Variants in SEL1L3 observed in about 807,000 individuals in gnomAD.
The protein encoded by SEL1L3 is protein sel-1 homolog 3.
In SEL1L3, 76 loss-of-function variants were observed where a neutral mutation model predicts 142.8. The observed-to-expected ratio is 0.53, with a 90% CI of 0.44 to 0.64. The LOEUF is 0.64. SEL1L3 is among the 30% of genes least tolerant of loss of function. The pLI is 0.00. For synonymous variants in SEL1L3, 504 were observed against 519.6 expected, an observed-to-expected ratio of 0.97 and a Z score of 0.41; for missense variants, 1,262 against 1,381.7, an observed-to-expected ratio of 0.91 and a Z score of 1.37.
chr4:25,754,139 C>T (rs1717792239), intron 23 of SEL1L3, among the ~76,000 whole-genome samples: 1 of 151,114 alleles, frequency 6.6e-6, no homozygotes, highest in South Asian at 2.1e-4. Flanking sequence ...CCTGTCTCTA[C>T]TAAAAACACA....
At chr4:25,810,927 C>T (rs562698093) in intron 9 of SEL1L3, among the ~76,000 whole-genome samples, 4 of 152,328 alleles carry the variant, frequency 2.6e-5, no homozygotes, top group Non-Finnish European at 4.4e-5. Flanking sequence ...AGGCGAGGAA[C>T]GGGTCCTGTT....
intron 6 of SEL1L3, among the ~76,000 whole-genome samples, chr4:25,829,683 A>G (rs1259398529): frequency 6.6e-6 from 1 of 152,260 alleles, no homozygotes. Flanking sequence ...TCAAATCCAG[A>G]TTATAAACAT....
rs143722601 is a variant in SEL1L3, at chr4:25,788,819, A to G, written c.2077-455T>C. On this transcript the variant is annotated intron_variant, in intron 12 of 23. Transcript: ENST00000399878. This position sits in a 1 kb window ranked among gnomAD's most constrained non-coding sequence, Gnocchi z 5.3. ...TCATTTGTCTACATGGCTGGCTCCA[A>G]CATCAGACTGGAGGCTGGAAGCTCT... Among the ~76,000 whole-genome samples the G allele has an allele frequency of 1.3e-5, 2 of 152,268 alleles. No individual in the cohort carries two copies. Among genetic ancestry groups the G allele is most frequent in the Non-Finnish European group, 2.9e-5 (2 of 68,028 alleles).
chr4:25,745,472 T>C (rs142104903), downstream of SEL1L3, among the ~76,000 whole-genome samples: 166 of 151,928 alleles, frequency 1.1e-3, 2 homozygotes, highest in African/African-American at 3.7e-3. Context: ...GCAACCAACG[T>C]AGAGTTTTGG....
intron 10 of SEL1L3, among the ~76,000 whole-genome samples, chr4:25,803,063 C>CCTGTTCTG (rs901337317): frequency 6.6e-6 from 1 of 152,164 alleles, no homozygotes; most frequent in Non-Finnish European, 1.5e-5. Context: ...TCCTAAGTCC[C>CCTGTTCTG]CTGTTCTGTT....
chr4:25,810,882 C>T (rs955655353), intron 9 of SEL1L3, among the ~76,000 whole-genome samples: 3 of 152,216 alleles, frequency 2.0e-5, no homozygotes, highest in South Asian at 2.1e-4. Context: ...CGAGTAGCCC[C>T]GCCATGTTTA....
chr4:25,811,903 C>T lies in SEL1L3; in HGVS notation c.1564+6235G>A, dbSNP rs543947575. On this transcript the variant is annotated intron_variant, in intron 9 of 23. Coordinates refer to ENST00000399878, the MANE Select transcript of SEL1L3 (RefSeq NM_015187.5). Reference sequence around the variant, plus strand: ...CTTTTATAAAGTGACATAATGTCTACGACAGAACTTAGTGAATAGAAAGAT... The same window carrying T: ...CTTTTATAAAGTGACATAATGTCTATGACAGAACTTAGTGAATAGAAAGAT... 5.9e-5 allele frequency among the ~76,000 whole-genome samples: 9 copies of T among 152,180 alleles called. No homozygotes were observed. In the East Asian group the frequency reaches 9.6e-4, roughly 16 times the overall value.
At chr4:25,808,517 G>T (rs1267062692) in intron 9 of SEL1L3, among the ~76,000 whole-genome samples, 2 of 152,246 alleles carry the variant, frequency 1.3e-5, no homozygotes, top group Admixed American at 6.5e-5. Context: ...GAGCAGAAAG[G>T]CACCTCATTC....
the SEL1L3 span, among the ~76,000 whole-genome samples, chr4:25,741,804 TTATTA>T: frequency 1.6e-4 from 24 of 150,798 alleles, no homozygotes; most frequent in Non-Finnish European, 2.5e-4. Context: ...TTTCTTTGAT[TTATTA>T]TATTATATTA....
chr4:25,745,955 G>C (rs1326432727), downstream of SEL1L3, among the ~76,000 whole-genome samples: 1 of 152,188 alleles, frequency 6.6e-6, no homozygotes, highest in Non-Finnish European at 1.5e-5. Flanking sequence ...TGGCCCCTCA[G>C]ACTGCTCTTT....
chr4:25,768,478 C>T (rs891337575), intron 17 of SEL1L3, among the ~76,000 whole-genome samples: 1 of 152,196 alleles, frequency 6.6e-6, no homozygotes, highest in African/African-American at 2.4e-5. Flanking sequence ...TCTACAACTA[C>T]TGCCAGCTTG....
chr4:25,757,879 T>A (rs1444361960), intron 21 of SEL1L3, 89 bp from the exon 22 acceptor site: 1 of 872,420 alleles, frequency 1.1e-6, no homozygotes, highest in Non-Finnish European at 1.9e-6. Context: ...CAAACCTACA[T>A]TCTTCTGCTT....
intron 11 of SEL1L3, among the ~76,000 whole-genome samples, chr4:25,798,660 T>C (rs933410005): frequency 6.6e-6 from 1 of 152,208 alleles, no homozygotes; most frequent in African/African-American, 2.4e-5. Context: ...AAATCCCGTC[T>C]TCCCTAAAAA....
chr4:25,734,272 C>T, the SEL1L3 span, among the ~76,000 whole-genome samples: 2 of 152,130 alleles, frequency 1.3e-5, no homozygotes, highest in Admixed American at 1.3e-4. Flanking sequence ...TCTCAAACTC[C>T]TGACCTCAGG....
chr4:25,796,514 T>A (rs1183795000), intron 11 of SEL1L3, among the ~76,000 whole-genome samples: 1 of 151,950 alleles, frequency 6.6e-6, no homozygotes, highest in Non-Finnish European at 1.5e-5. Flanking sequence ...ATACAGTAAG[T>A]GTGGCCAGGT....
chr4:25,847,838 C>T lies in SEL1L3; in HGVS notation c.189G>A (p.Gln63=). Residue 63 remains glutamine (Q), a synonymous_variant, in exon 2 of 24, where the codon CAG becomes CAA. Transcript: ENST00000399878. ...YLNVVPSLGR[Q]TSLTTSVIPK... ...GTATCACTGATGTCGTCAGGGAAGT[C>T]TGCCTACCCAAAGATGGTACAACAT... 1.9e-6 allele frequency: 3 copies of T among 1,580,700 alleles called. No homozygotes were observed. The highest frequency in any genetic ancestry group is 2.6e-6 in the Non-Finnish European group (3 of 1,166,274).
chr4:25,821,371 A>C (rs1420096165), intron 7 of SEL1L3, among the ~76,000 whole-genome samples: 1 of 152,180 alleles, frequency 6.6e-6, no homozygotes, highest in Admixed American at 6.5e-5. Flanking sequence ...CAGCCCAGAA[A>C]ACAAGTGCCC....
At chr4:25,729,287 A>G in the SEL1L3 span, among the ~76,000 whole-genome samples, 1 of 152,164 alleles carries the variant, frequency 6.6e-6, no homozygotes, top group Non-Finnish European at 1.5e-5. Flanking sequence ...ATATAGACCT[A>G]ATTTTACTGC....
the SEL1L3 span, among the ~76,000 whole-genome samples, chr4:25,739,687 C>A: frequency 2.7e-5 from 4 of 148,158 alleles, no homozygotes; most frequent in Non-Finnish European, 5.9e-5. Flanking sequence ...AGCCTGGTGA[C>A]AGAGAGAGAC....
Sources: gnomAD v4.1 joint callset for allele counts (sites outside exome capture counted in the v4.1 genomes callset) on GRCh38, gnomAD v4.1.1 for gene constraint, Gnocchi (gnomAD v3.1) non-coding constraint, MANE v1.5 for transcripts, NCBI Gene and HGNC (gene_info 2026-07-23, HGNC 2026-07-21) for gene names.